CNTN4: variants seen among roughly 807,000 people sequenced by gnomAD.
CNTN4 encodes the protein contactin-4.
CNTN4 carries 77 observed loss-of-function variants against 122.5 expected under a neutral mutation model. The ratio of observed to expected loss-of-function variants is 0.63; its 90% CI spans 0.52 to 0.76. CNTN4 has a LOEUF of 0.76. Among genes scored for constraint, CNTN4 ranks in the 30% least tolerant of loss-of-function variants. CNTN4 has a pLI of 0.00. For missense variants in CNTN4, 1,256 were observed against 1,259.1 expected, an observed-to-expected ratio of 1.00 and a Z score of 0.04; for synonymous variants, 512 against 447.0, an observed-to-expected ratio of 1.15 and a Z score of -1.83.
At chr3:2,722,157 C>G (rs2087900635) in intron 4 of CNTN4, among the ~76,000 whole-genome samples, 1 of 152,208 alleles carries the variant, frequency 6.6e-6, no homozygotes, top group Non-Finnish European at 1.5e-5. Context: ...TTGCAGTGTT[C>G]TTCCTAGATT....
intron 2 of CNTN4, among the ~76,000 whole-genome samples, chr3:2,269,910 GTTTGTTTA>G (rs1435468632): frequency 0.094 from 2,501 of 26,514 alleles, 468 homozygotes; most frequent in Middle Eastern, 0.18. Context: ...TTGTTTGTTT[GTTTGTTTA>G]TTTATTTATT....
intron 3 of CNTN4, among the ~76,000 whole-genome samples, chr3:2,345,917 C>A (rs945802477): frequency 6.6e-6 from 1 of 152,092 alleles, no homozygotes; most frequent in Admixed American, 6.6e-5. Flanking sequence ...AATATTACTT[C>A]ATTTAAATTA....
intron 2 of CNTN4, among the ~76,000 whole-genome samples, chr3:2,236,539 T>C (rs1003481589): frequency 1.3e-5 from 2 of 152,220 alleles, no homozygotes; most frequent in African/African-American, 4.8e-5. Flanking sequence ...TGTTTTGTTT[T>C]AGTCTTCAGG....
In CNTN4 at chr3:2,305,977, T is replaced by C. The variant is rs143374703; in HGVS notation, c.-144-33201T>C. 2.2e-3 allele frequency among the ~76,000 whole-genome samples: 331 copies of C among 152,326 alleles called. 1 individual carries two copies. Among genetic ancestry groups the C allele is most frequent in the African/African-American group, 7.7e-3 (319 of 41,584 alleles). On this transcript the variant is annotated intron_variant, in intron 2 of 24. Coordinates refer to ENST00000418658, the MANE Select transcript of CNTN4 (RefSeq NM_175607.3). Reference sequence around the variant, plus strand: ...CATGTATCAGTACTTCACTTATTTTTATGGCTGAGTTATATTTGATTCTAT... The same window carrying C: ...CATGTATCAGTACTTCACTTATTTTCATGGCTGAGTTATATTTGATTCTAT...
At chr3:2,943,135 G>A (rs537868882) in intron 13 of CNTN4, among the ~76,000 whole-genome samples, 1 of 152,198 alleles carries the variant, frequency 6.6e-6, no homozygotes, top group Admixed American at 6.6e-5. Flanking sequence ...CCTTTAGGGT[G>A]GAACAAAGAT....
intron 4 of CNTN4, among the ~76,000 whole-genome samples, chr3:2,596,901 T>C (rs1159028278): frequency 6.6e-6 from 1 of 152,182 alleles, no homozygotes; most frequent in Non-Finnish European, 1.5e-5. Context: ...GTCAACCACA[T>C]CTTTTTCGGT....
chr3:2,376,292 C>A, intron 3 of CNTN4, among the ~76,000 whole-genome samples: 1 of 151,976 alleles, frequency 6.6e-6, no homozygotes, highest in East Asian at 1.9e-4. Flanking sequence ...ATTATTATTC[C>A]CTGATCCAAA....
At chr3:2,173,492 T>C (rs888399603) in intron 2 of CNTN4, among the ~76,000 whole-genome samples, 3 of 152,246 alleles carry the variant, frequency 2.0e-5, no homozygotes, top group Non-Finnish European at 2.9e-5. Flanking sequence ...GAAGTATTTA[T>C]TTTAATGGTT....
chr3:2,274,115 GC>G (rs1310558451), intron 2 of CNTN4, among the ~76,000 whole-genome samples: 1 of 152,092 alleles, frequency 6.6e-6, no homozygotes, highest in Non-Finnish European at 1.5e-5. Flanking sequence ...GGATACCGTG[GC>G]TCACGCTTGT....
chr3:3,025,832 T>G (rs1028013442), intron 14 of CNTN4, among the ~76,000 whole-genome samples: 1 of 152,116 alleles, frequency 6.6e-6, no homozygotes, highest in African/African-American at 2.4e-5. Context: ...TCCACGAGCA[T>G]CTTTAGAGAT....
intron 7 of CNTN4, among the ~76,000 whole-genome samples, chr3:2,851,882 T>C (rs1335324680): frequency 2.6e-5 from 4 of 152,162 alleles, no homozygotes; most frequent in Admixed American, 6.6e-5. Context: ...CAAGAAAGTA[T>C]TTAATCCTTC....
At chr3:2,307,820 T>A (rs1482539528) in intron 2 of CNTN4, among the ~76,000 whole-genome samples, 1 of 152,140 alleles carries the variant, frequency 6.6e-6, no homozygotes, top group East Asian at 1.9e-4. Flanking sequence ...ATTCTTTTTA[T>A]CTGTTGCTAG....
chr3:2,239,741 G>A (rs1341346228), intron 2 of CNTN4, among the ~76,000 whole-genome samples: 2 of 152,170 alleles, frequency 1.3e-5, no homozygotes, highest in African/African-American at 2.4e-5. Flanking sequence ...AGGGAGAAAG[G>A]TAAATTCATT....
intron 3 of CNTN4, among the ~76,000 whole-genome samples, chr3:2,492,095 G>A (rs192766075): frequency 2.3e-4 from 35 of 152,050 alleles, no homozygotes; most frequent in African/African-American, 6.3e-4. Flanking sequence ...ATAATAACTC[G>A]AAATAATAAT....
chr3:3,024,281 G>A (rs1698534115), intron 14 of CNTN4, among the ~76,000 whole-genome samples: 1 of 149,974 alleles, frequency 6.7e-6, no homozygotes, highest in African/African-American at 2.5e-5. Flanking sequence ...TTTTTCTTGA[G>A]GAAAATGTAA....
At chr3:2,991,819 CTG>C (rs1695078934) in intron 14 of CNTN4, among the ~76,000 whole-genome samples, 1 of 151,944 alleles carries the variant, frequency 6.6e-6, no homozygotes, top group African/African-American at 2.4e-5. Flanking sequence ...CGAAATATGA[CTG>C]AGCGCTGTAT....
chr3:2,861,642 C>G (rs544626863), intron 7 of CNTN4, among the ~76,000 whole-genome samples: 3 of 152,254 alleles, frequency 2.0e-5, no homozygotes, highest in Non-Finnish European at 4.4e-5. Flanking sequence ...ATTCATGTCT[C>G]CTGACTTAAC....
chr3:2,243,402 T>TG (rs2040017332), intron 2 of CNTN4, among the ~76,000 whole-genome samples: 1 of 152,162 alleles, frequency 6.6e-6, no homozygotes, highest in Non-Finnish European at 1.5e-5. Context: ...GGCCCATGTG[T>TG]GGGCTGTATT....
intron 3 of CNTN4, among the ~76,000 whole-genome samples, chr3:2,537,921 A>G (rs1260376316): frequency 1.3e-5 from 2 of 152,184 alleles, no homozygotes; most frequent in East Asian, 1.9e-4. Flanking sequence ...GTCTCTTTAC[A>G]TAAGTAAATT....
Sources: allele counts gnomAD v4.1 joint callset (sites outside exome capture counted in the v4.1 genomes callset), GRCh38; gene constraint gnomAD v4.1.1; transcripts MANE v1.5; gene names NCBI Gene and HGNC (gene_info 2026-07-23, HGNC 2026-07-21).